The following ZNF385B variants were observed in gnomAD, a reference collection of about 807,000 sequenced individuals.
ZNF385B encodes zinc finger protein 385B.
ZNF385B carries 23 observed loss-of-function variants against 39.2 expected under a neutral mutation model. That is an observed-to-expected ratio of 0.59 (90% CI 0.42 to 0.83). The LOEUF is 0.83. Ranked by LOEUF, ZNF385B falls within the 40% of genes least tolerant of loss-of-function variation. The pLI, the probability that ZNF385B is intolerant of heterozygous loss-of-function variation, is 0.00. For synonymous variants in ZNF385B, 205 were observed against 222.6 expected (o/e 0.92, Z 0.70); for missense variants, 552 against 598.9 (o/e 0.92, Z 0.82).
At chr2:179,613,999 C>G (rs1689519544) in intron 3 of ZNF385B, among the ~76,000 whole-genome samples, 1 of 151,934 alleles carries the variant, frequency 6.6e-6, no homozygotes, top group Admixed American at 6.6e-5. Flanking sequence ...CAGGGCAGCA[C>G]TGAGTTCCAA....
At chr2:179,779,567 G>T (rs576406868) in intron 1 of ZNF385B, among the ~76,000 whole-genome samples, 2 of 152,362 alleles carry the variant, frequency 1.3e-5, no homozygotes, top group East Asian at 3.9e-4. Context: ...TCATGTGGAT[G>T]TGGACAAGTT....
At chr2:179,651,559 C>G (rs10178197) in intron 3 of ZNF385B, among the ~76,000 whole-genome samples, 32,541 of 151,594 alleles carry the variant, frequency 0.21, 5,083 homozygotes, top group African/African-American at 0.44. Flanking sequence ...TACACTGTTT[C>G]CCAGTTACTT....
At chr2:179,804,848 A>T (rs1706251802) in intron 1 of ZNF385B, among the ~76,000 whole-genome samples, 1 of 152,168 alleles carries the variant, frequency 6.6e-6, no homozygotes, top group South Asian at 2.1e-4. Context: ...CACTGCCTGG[A>T]TCTTCTTCCC....
At position 179,679,201 on chromosome 2, in the gene ZNF385B, G is replaced by C. The variant is rs7570694; in HGVS notation, c.298+90302C>G. Reference sequence around the variant, plus strand: ...CCCATTTTAAATGGTGGTCCAATAAGATTATAATAATGTATTTTTATAGTA... The same window carrying C: ...CCCATTTTAAATGGTGGTCCAATAACATTATAATAATGTATTTTTATAGTA... On this transcript the variant is annotated intron_variant, in intron 3 of 9. Transcript: ENST00000410066. Among the ~76,000 whole-genome samples, 309 of 152,210 alleles carry C rather than the reference G, an allele frequency of 2.0e-3. 2 individuals are homozygous for C. Among genetic ancestry groups the C allele is most frequent in the African/African-American group, 7.2e-3 (300 of 41,534 alleles).
At chr2:179,752,908 CT>C (rs1175775512) in intron 3 of ZNF385B, among the ~76,000 whole-genome samples, 1 of 152,062 alleles carries the variant, frequency 6.6e-6, no homozygotes, top group African/African-American at 2.4e-5. Flanking sequence ...ATGGTAGTTT[CT>C]TTTGCTGTGC....
intron 1 of ZNF385B, among the ~76,000 whole-genome samples, chr2:179,791,914 T>G (rs972610821): frequency 1.3e-5 from 2 of 152,108 alleles, no homozygotes; most frequent in Non-Finnish European, 2.9e-5. Flanking sequence ...CTTGCCACCA[T>G]GCCCAGCTAA....
intron 5 of ZNF385B, among the ~76,000 whole-genome samples, chr2:179,516,249 G>A (rs929708239): frequency 1.3e-5 from 2 of 152,106 alleles, no homozygotes; most frequent in African/African-American, 4.8e-5. Flanking sequence ...CAGCACATAT[G>A]GATTAATATA....
At chr2:179,818,913 C>T (rs1707232725) in intron 1 of ZNF385B, among the ~76,000 whole-genome samples, 1 of 152,068 alleles carries the variant, frequency 6.6e-6, no homozygotes, top group African/African-American at 2.4e-5. Context: ...GTTCCAATGG[C>T]CTCTTCACTG....
At chr2:179,845,671 A>T (rs1179791470) in intron 1 of ZNF385B, among the ~76,000 whole-genome samples, 1 of 152,248 alleles carries the variant, frequency 6.6e-6, no homozygotes, top group Non-Finnish European at 1.5e-5. Flanking sequence ...CAACATGTGT[A>T]CACATGACCC....
intron 3 of ZNF385B, among the ~76,000 whole-genome samples, chr2:179,690,946 G>A (rs1194015500): frequency 6.6e-6 from 1 of 152,142 alleles, no homozygotes; most frequent in African/African-American, 2.4e-5. Flanking sequence ...CCTGAACACT[G>A]ATTTAGATCT....
At chr2:179,720,678 T>C (rs1391488284) in intron 3 of ZNF385B, among the ~76,000 whole-genome samples, 1 of 152,080 alleles carries the variant, frequency 6.6e-6, no homozygotes, top group Non-Finnish European at 1.5e-5. Context: ...AAAATAAATA[T>C]TAGGTTAAAT....
chr2:179,475,892 T>G lies in ZNF385B; in HGVS notation c.715+7380A>C, dbSNP rs2053389526. On this transcript the variant is annotated intron_variant, in intron 6 of 9. Coordinates refer to ENST00000410066, the MANE Select transcript of ZNF385B (RefSeq NM_152520.6). ...ACTAGCTGGACATGGTGGGGCACAC[T>G]TGTAATCCCAGCTACTTGGGAGGCA... Among the ~76,000 whole-genome samples, 3 of 150,238 alleles carry G rather than the reference T, an allele frequency of 2.0e-5. No homozygotes were observed. In the South Asian group the frequency reaches 6.3e-4, roughly 32 times the overall value.
intron 3 of ZNF385B, among the ~76,000 whole-genome samples, chr2:179,713,047 G>A (rs1700105199): frequency 6.6e-6 from 1 of 152,086 alleles, no homozygotes; most frequent in African/African-American, 2.4e-5. Context: ...ACTCCACAGT[G>A]GACTGTGTTG....
chr2:179,682,558 T>C (rs1371628287), intron 3 of ZNF385B, among the ~76,000 whole-genome samples: 1 of 152,192 alleles, frequency 6.6e-6, no homozygotes, highest in Admixed American at 6.5e-5. Context: ...TCTGAACAAA[T>C]TTATGTAACA....
chr2:179,788,762 A>T (rs1049076003), intron 1 of ZNF385B, among the ~76,000 whole-genome samples: 1 of 152,134 alleles, frequency 6.6e-6, no homozygotes, highest in Non-Finnish European at 1.5e-5. Context: ...CTTGTTGAAC[A>T]TCAGTGTTAT....
At chr2:179,783,952 C>A (rs1704831251) in intron 1 of ZNF385B, among the ~76,000 whole-genome samples, 1 of 152,110 alleles carries the variant, frequency 6.6e-6, no homozygotes, top group Non-Finnish European at 1.5e-5. Flanking sequence ...TACCATTTGA[C>A]CCAGCAATCC....
intron 3 of ZNF385B, among the ~76,000 whole-genome samples, chr2:179,668,752 G>T (rs1430825529): frequency 6.6e-6 from 1 of 151,782 alleles, no homozygotes; most frequent in African/African-American, 2.4e-5. Context: ...GTGATGTAAA[G>T]GAAACATCAT....
rs576930229 is a variant in ZNF385B, at chr2:179,562,046, G to C, written c.299-17077C>G. The stretch of plus-strand genomic sequence containing the variant: ...GAAAAGAAGATAAAAAGGAGAGAGA[G>C]TTCTAACATAGTTGAATTGAACATG... On this transcript the variant is annotated intron_variant, in intron 3 of 9. Coordinates refer to ENST00000410066, the MANE Select transcript of ZNF385B (RefSeq NM_152520.6). 4.6e-5 allele frequency among the ~76,000 whole-genome samples: 7 copies of C among 152,212 alleles called. No individual in the cohort carries two copies. In the South Asian group the frequency reaches 1.5e-3, roughly 32 times the overall value.
At chr2:179,551,571 C>T (rs2060571126) in intron 3 of ZNF385B, among the ~76,000 whole-genome samples, 1 of 149,178 alleles carries the variant, frequency 6.7e-6, no homozygotes, top group African/African-American at 2.5e-5. Flanking sequence ...TCTGAGACCA[C>T]CCATATTGGG....
Sources: gnomAD v4.1 joint callset for allele counts (sites outside exome capture counted in the v4.1 genomes callset) on GRCh38, gnomAD v4.1.1 for gene constraint, MANE v1.5 for transcripts, NCBI Gene and HGNC (gene_info 2026-07-23, HGNC 2026-07-21) for gene names.